ZCCHC2: variants seen among roughly 807,000 people sequenced by gnomAD.
The protein encoded by ZCCHC2 is zinc finger CCHC domain-containing protein 2.
In ZCCHC2, 39 loss-of-function variants were observed where a neutral mutation model predicts 103.6. The observed-to-expected ratio is 0.38, with a 90% CI of 0.29 to 0.49. The LOEUF (loss-of-function observed/expected upper bound fraction) is 0.49. Among genes scored for constraint, ZCCHC2 ranks in the 20% least tolerant of loss-of-function variants. The probability of loss-of-function intolerance (pLI) is 0.96; values close to 1 mark genes in which losing one functional copy is unlikely to be tolerated. For synonymous variants in ZCCHC2, 687 were observed against 608.9 expected (o/e 1.13, Z -1.89); for missense variants, 1,483 against 1,491.0 (o/e 0.99, Z 0.09).
At chr18:62,533,578 A>G (rs540477227) in intron 1 of ZCCHC2, among the ~76,000 whole-genome samples, 1 of 151,630 alleles carries the variant, frequency 6.6e-6, no homozygotes, top group Non-Finnish European at 1.5e-5. Flanking sequence ...AAGATTAAGT[A>G]TATCGAGGCT....
chr18:62,524,652 C>T (rs1914271444), intron 1 of ZCCHC2: 1 of 408,372 alleles, frequency 2.4e-6, no homozygotes, highest in East Asian at 3.9e-5. Context: ...TGGAGCTCCC[C>T]GCCCGGGGCC....
At position 62,574,916 on chromosome 18, in the gene ZCCHC2, A is replaced by G; in HGVS notation, c.2835A>G (p.Pro945=). ...GCACAGCAGCAACTTCTCCCCAGCC[A>G]GCGAGCGCAGGTATCAGCCAGGCCC... ...VLSTAATSPQ[P]ASAGISQAQA... is the part of the protein sequence containing the mutation. The change falls in exon 13 of 14, where the codon CCA becomes CCG. Residue 945 remains proline, a synonymous_variant. Transcript: ENST00000269499. 5 of 1,613,854 alleles carry G rather than the reference A, an allele frequency of 3.1e-6. No individual in the cohort carries two copies. The highest frequency in any genetic ancestry group is 4.2e-6 in the Non-Finnish European group (5 of 1,179,884).
In ZCCHC2 at chr18:62,574,399, T is replaced by G. The variant is rs1049628600; in HGVS notation, c.2318T>G (p.Leu773Arg). The G allele has an allele frequency of 6.2e-6, 10 of 1,614,004 alleles. No homozygotes were observed. Among genetic ancestry groups the G allele is most frequent in the East Asian group, 4.5e-5 (2 of 44,882 alleles). ...ESANSTPVGI[L>R]GPTACTGESE... ...GCAAATTCAACCCCTGTTGGAATAC[T>G]AGGGCCAACAGCTTGCACTGGAGAA... is the stretch of plus-strand genomic sequence containing the variant. Residue 773 changes from leucine (L) to arginine (R), a missense_variant, in exon 13 of 14, where the codon CTA becomes CGA. Physicochemically the swap from Leu to Arg is moderately radical, Grantham distance 102. Coordinates refer to ENST00000269499, the MANE Select transcript of ZCCHC2 (RefSeq NM_017742.6).
At chr18:62,556,110 A>T in intron 5 of ZCCHC2, 93 bp from the exon 6 acceptor site, 2 of 912,390 alleles carry the variant, frequency 2.2e-6, no homozygotes, top group Non-Finnish European at 3.3e-6. Context: ...CCTGAATTAA[A>T]CTGCCACTTC....
chr18:62,583,699 G>A (rs1000582363), intron 14 of ZCCHC2, among the ~76,000 whole-genome samples: 1 of 151,556 alleles, frequency 6.6e-6, no homozygotes, highest in Non-Finnish European at 1.5e-5. Context: ...ACCCCACCAA[G>A]AGGGAGGGCT....
chr18:62,576,832 T>C lies in ZCCHC2; in HGVS notation c.*253T>C, dbSNP rs930101412. On this transcript the variant is annotated 3_prime_UTR_variant, in exon 14 of 14. Coordinates refer to ENST00000269499, the MANE Select transcript of ZCCHC2 (RefSeq NM_017742.6). ...ATTTAAACCTTCAGACAAACTTAAATGTTGGTGCGTGCTTTTTTTTTTTTT... is the reference window on the plus strand; with the variant it reads ...ATTTAAACCTTCAGACAAACTTAAACGTTGGTGCGTGCTTTTTTTTTTTTT... 1.5e-5 allele frequency: 5 copies of C among 324,450 alleles called. No homozygotes were observed. Among genetic ancestry groups the C allele is most frequent in the Non-Finnish European group, 2.7e-5 (5 of 185,252 alleles). 20.1% of individuals were successfully genotyped at this position (324,450 alleles called of 1,614,324 possible).
At chr18:62,573,361 G>T (rs953216782) in intron 12 of ZCCHC2, among the ~76,000 whole-genome samples, 2 of 152,126 alleles carry the variant, frequency 1.3e-5, no homozygotes. Flanking sequence ...GTACACAAGC[G>T]TAAGACTGAT....
In ZCCHC2 at chr18:62,564,599, C is replaced by A. The variant is rs78294971; in HGVS notation, c.1715C>A (p.Ser572Ter). ...TCTGCTGAAAAACGGAGTTTATCTTCAATAAATAAGAAGAAAGGAAAGCCA... is the reference window on the plus strand; with the variant it reads ...TCTGCTGAAAAACGGAGTTTATCTTAAATAAATAAGAAGAAAGGAAAGCCA... ...QHSAEKRSLS[S>*]INKKKGKPQT... is the part of the protein sequence containing the mutation. Residue 572 changes from serine (S) to a stop codon, truncating the protein, a stop_gained, in exon 10 of 14, where the codon TCA (serine) becomes TAA (stop). Coordinates refer to ENST00000269499, the MANE Select transcript of ZCCHC2 (RefSeq NM_017742.6). LOFTEE classifies it high-confidence loss of function. 6.5e-7 allele frequency: 1 copy of A among 1,542,794 alleles called. No homozygotes were observed. Among genetic ancestry groups the A allele is most frequent in the Non-Finnish European group, 8.8e-7 (1 of 1,142,706 alleles).
chr18:62,545,074 GA>G (rs1346044861), intron 4 of ZCCHC2, among the ~76,000 whole-genome samples: 4 of 152,104 alleles, frequency 2.6e-5, no homozygotes, highest in Non-Finnish European at 5.9e-5. Context: ...AGGAAATGAC[GA>G]AGGGATTTCT....
Position 62,550,335 on chromosome 18 carries a change from T to C in ZCCHC2, c.1201-13T>C. The C allele has an allele frequency of 6.3e-7, 1 of 1,598,502 alleles. No individual in the cohort carries two copies. The highest frequency in any genetic ancestry group is 8.6e-7 in the Non-Finnish European group (1 of 1,168,120). On this transcript the variant is annotated splice_polypyrimidine_tract_variant and intron_variant, in intron 4 of 13. Coordinates refer to ENST00000269499, the MANE Select transcript of ZCCHC2 (RefSeq NM_017742.6). ...GAAACTTAACATTGGATATTGTGGT[T>C]TTTCTTTTCTAGCTTCCAAAGGAAC...
chr18:62,526,351 ATTT>A (rs772944207), intron 1 of ZCCHC2: 1 of 152,292 alleles, frequency 6.6e-6, no homozygotes, highest in Non-Finnish European at 1.5e-5. Context: ...ACACTGGGCT[ATTT>A]CTAGATGCGT....
chr18:62,559,201 A>G (rs1436373900), intron 7 of ZCCHC2, among the ~76,000 whole-genome samples: 1 of 152,214 alleles, frequency 6.6e-6, no homozygotes, highest in African/African-American at 2.4e-5. Flanking sequence ...CTCTGTGACA[A>G]AAGGAACCAT....
At chr18:62,551,806 A>G (rs925447344) in intron 5 of ZCCHC2, 1 of 151,914 alleles carries the variant, frequency 6.6e-6, no homozygotes, top group Non-Finnish European at 1.5e-5. Flanking sequence ...ATTAATAAAT[A>G]CATTACATAA....
At chr18:62,539,135 G>A (rs1328237217) in intron 1 of ZCCHC2, among the ~76,000 whole-genome samples, 2 of 152,176 alleles carry the variant, frequency 1.3e-5, no homozygotes, top group African/African-American at 4.8e-5. Flanking sequence ...GTGATTGGCT[G>A]AGCAAACTCA....
At chr18:62,583,034 G>A (rs1345771964), downstream of ZCCHC2, among the ~76,000 whole-genome samples, 1 of 152,170 alleles carries the variant, frequency 6.6e-6, no homozygotes, top group Non-Finnish European at 1.5e-5. Context: ...AGCCCAGCAG[G>A]CAGAGGCTTC....
chr18:62,579,651 A>G (rs1281427699), downstream of ZCCHC2, among the ~76,000 whole-genome samples: 2 of 152,146 alleles, frequency 1.3e-5, no homozygotes, highest in African/African-American at 4.8e-5. Context: ...AGCATGTCCC[A>G]TATCCTTAGC....
intron 11 of ZCCHC2, among the ~76,000 whole-genome samples, chr18:62,565,435 C>T (rs1242515221): frequency 6.6e-6 from 1 of 152,102 alleles, no homozygotes; most frequent in Non-Finnish European, 1.5e-5. Context: ...TGTGGCTTTG[C>T]CGGCCGCTCA....
At chr18:62,531,195 A>T (rs955632009) in intron 1 of ZCCHC2, among the ~76,000 whole-genome samples, 1 of 152,152 alleles carries the variant, frequency 6.6e-6, no homozygotes, top group African/African-American at 2.4e-5. Flanking sequence ...ATTCTTTGTC[A>T]CAAAAGCCTC....
chr18:62,550,981 C>T (rs1032860395), intron 5 of ZCCHC2, among the ~76,000 whole-genome samples: 2 of 152,114 alleles, frequency 1.3e-5, no homozygotes, highest in Non-Finnish European at 2.9e-5. Context: ...GATTAATTCC[C>T]GGAGCCTCCC....
Sources: gnomAD v4.1 joint callset for allele counts (sites outside exome capture counted in the v4.1 genomes callset) on GRCh38, gnomAD v4.1.1 for gene constraint, MANE v1.5 for transcripts, NCBI Gene and HGNC (gene_info 2026-07-23, HGNC 2026-07-21) for gene names.